Variants in ARHGEF10 observed in about 807,000 individuals in gnomAD.
ARHGEF10 encodes the protein Rho guanine nucleotide exchange factor 10, also known as Rho guanine nucleotide exchange factor (GEF) 10.
ARHGEF10 carries 140 observed loss-of-function variants against 147.4 expected under a neutral mutation model. The ratio of observed to expected loss-of-function variants is 0.95; its 90% CI spans 0.83 to 1.09. ARHGEF10 has a LOEUF of 1.09. Among genes scored for constraint, ARHGEF10 ranks in the 50% least tolerant of loss-of-function variants. The pLI is 0.00. For synonymous variants in ARHGEF10, 902 were observed against 695.8 expected (o/e 1.30, Z -4.67); for missense variants, 2,222 against 1,752.7 (o/e 1.27, Z -4.78).
chr8:1,841,392 G>A (rs1164938946), intron 1 of ARHGEF10, among the ~76,000 whole-genome samples: 1 of 152,210 alleles, frequency 6.6e-6, no homozygotes, highest in Non-Finnish European at 1.5e-5. Flanking sequence ...AGCAGAAAGG[G>A]GGTCAGAGAG....
Position 1,903,330 on chromosome 8 carries a change from A to T in ARHGEF10, c.1700A>T (p.Gln567Leu), listed in dbSNP as rs750816316. 6.2e-7 allele frequency: 1 copy of T among 1,614,198 alleles called. No individual in the cohort carries two copies. Among genetic ancestry groups the T allele is most frequent in the South Asian group, 1.1e-5 (1 of 91,086 alleles). ...SKGHPDRLPL[Q>L]MALTELETLA... The stretch of plus-strand genomic sequence containing the variant: ...GGCCACCCCGACAGGCTGCCTCTTC[A>T]GATGGCCCTGACAGAGCTCGAAACA... The change falls in exon 16 of 29, where the codon CAG becomes CTG. Residue 567 changes from glutamine (Q) to leucine (L), a missense_variant. Transcript: ENST00000349830.
intron 1 of ARHGEF10, among the ~76,000 whole-genome samples, chr8:1,841,263 TA>T (rs201544287): frequency 0.014 from 1,368 of 94,504 alleles, 23 homozygotes; most frequent in African/African-American, 0.045. Context: ...AAAGCTAGGG[TA>T]AAAGTAATCT....
At chr8:1,840,596 T>C (rs998703682) in intron 1 of ARHGEF10, among the ~76,000 whole-genome samples, 1 of 151,114 alleles carries the variant, frequency 6.6e-6, no homozygotes, top group Admixed American at 6.6e-5. Flanking sequence ...CTGTCCGATA[T>C]GGGGACTGTC....
chr8:1,877,508 G>T lies in ARHGEF10; in HGVS notation c.843+774G>T, dbSNP rs557576613. 5.3e-5 allele frequency among the ~76,000 whole-genome samples: 8 copies of T among 152,314 alleles called. 1 individual carries two copies. Among genetic ancestry groups the T allele is most frequent in the Admixed American group, 2.6e-4 (4 of 15,300 alleles). ...CTCCCAAAGTGCTGGGATTGCAGGT[G>T]TGAACCACCACACCCAGCCGGATGA... On this transcript the variant is annotated intron_variant, in intron 8 of 28. Coordinates refer to ENST00000349830, the MANE Select transcript of ARHGEF10 (RefSeq NM_014629.4).
chr8:1,929,752 C>G (rs1812972126), intron 25 of ARHGEF10, among the ~76,000 whole-genome samples: 1 of 152,230 alleles, frequency 6.6e-6, no homozygotes, highest in Non-Finnish European at 1.5e-5. Flanking sequence ...TCAGCATGTC[C>G]TGCGCTGACC....
In ARHGEF10 at chr8:1,958,009, A is replaced by G. The variant is rs1021363117; in HGVS notation, c.*746A>G. 5 of 152,278 alleles carry G rather than the reference A, an allele frequency of 3.3e-5. No homozygotes were observed. Among genetic ancestry groups the G allele is most frequent in the Non-Finnish European group, 7.3e-5 (5 of 68,056 alleles). The allele number at this position is 152,278 out of a possible 1,614,324, so 9.4% of individuals were successfully genotyped here. The stretch of plus-strand genomic sequence containing the variant: ...TGCCTATCAACATTTGGACTCAAGC[A>G]TCAACACCAAATTATTCCTCCCTTC... On this transcript the variant is annotated 3_prime_UTR_variant, in exon 29 of 29. Coordinates refer to ENST00000349830, the MANE Select transcript of ARHGEF10 (RefSeq NM_014629.4).
At chr8:1,871,202 T>A (rs1807093336) in intron 7 of ARHGEF10, 1 of 151,636 alleles carries the variant, frequency 6.6e-6, no homozygotes, top group African/African-American at 2.4e-5. Flanking sequence ...TACAGATCTT[T>A]GAAGCAAGTA....
At chr8:1,908,723 G>A (rs1321835800) in intron 17 of ARHGEF10, among the ~76,000 whole-genome samples, 1 of 151,952 alleles carries the variant, frequency 6.6e-6, no homozygotes, top group Non-Finnish European at 1.5e-5. Flanking sequence ...GTACATATGT[G>A]TTTTGTGTTT....
chr8:1,918,652 T>G (rs551508987), intron 18 of ARHGEF10, among the ~76,000 whole-genome samples: 1 of 152,382 alleles, frequency 6.6e-6, no homozygotes, highest in East Asian at 1.9e-4. Context: ...TACCATTTGT[T>G]CATGGTGAGA....
At position 1,929,421 on chromosome 8, in the gene ARHGEF10, C is replaced by T. The variant is rs756273608; in HGVS notation, c.3057C>T (p.Val1019=). The change falls in exon 25 of 29, where the codon GTC becomes GTT. Residue 1019 remains valine (V), a synonymous_variant. Transcript: ENST00000349830. ...ACGCTGGCCTGGTCAACGGGGCAGT[C>T]GCCAGCTACGCCAGAGCCCCAGGTG... ...SLYAGLVNGA[V]ASYARAPDGS... is the part of the protein sequence containing the mutation. 4.3e-6 allele frequency: 7 copies of T among 1,609,494 alleles called. No homozygotes were observed. Among genetic ancestry groups the T allele is most frequent in the African/African-American group, 1.3e-5 (1 of 74,804 alleles).
intron 11 of ARHGEF10, among the ~76,000 whole-genome samples, chr8:1,887,791 G>A (rs1426284109): frequency 7.0e-6 from 1 of 142,296 alleles, no homozygotes; most frequent in African/African-American, 2.6e-5. Context: ...GACAGTGAGT[G>A]GAGTAAGGGT....
intron 1 of ARHGEF10, among the ~76,000 whole-genome samples, chr8:1,839,868 G>C (rs1209800495): frequency 1.3e-5 from 2 of 149,116 alleles, no homozygotes; most frequent in Non-Finnish European, 3.0e-5. Flanking sequence ...TGTGGGGACT[G>C]TCTGGTGTGG....
chr8:1,873,298 A>T (rs1807290226), intron 7 of ARHGEF10, among the ~76,000 whole-genome samples: 1 of 152,196 alleles, frequency 6.6e-6, no homozygotes. Flanking sequence ...CCAGTAAACC[A>T]CCCACAGCAC....
At chr8:1,829,965 G>A (rs1179455242) in intron 1 of ARHGEF10, among the ~76,000 whole-genome samples, 1 of 152,238 alleles carries the variant, frequency 6.6e-6, no homozygotes, top group Non-Finnish European at 1.5e-5. Flanking sequence ...TGGGGAGCGA[G>A]TCATAGGTAG....
At chr8:1,911,299 T>C (rs1003840317) in intron 18 of ARHGEF10, among the ~76,000 whole-genome samples, 12 of 150,576 alleles carry the variant, frequency 8.0e-5, no homozygotes, top group African/African-American at 1.5e-4. Context: ...ATTTTTTTTT[T>C]ATCACGTCTC....
intron 18 of ARHGEF10, among the ~76,000 whole-genome samples, chr8:1,912,994 A>C (rs1312872368): frequency 1.3e-5 from 2 of 151,988 alleles, no homozygotes; most frequent in African/African-American, 4.8e-5. Context: ...TGGCAGGTGG[A>C]TTTATGAGAA....
intron 25 of ARHGEF10, among the ~76,000 whole-genome samples, chr8:1,933,311 G>A (rs1334345105): frequency 6.6e-6 from 1 of 152,130 alleles, no homozygotes; most frequent in Non-Finnish European, 1.5e-5. Flanking sequence ...CAGTTATTTT[G>A]GATGCAGTTC....
chr8:1,913,849 A>C (rs1222997758), intron 18 of ARHGEF10, among the ~76,000 whole-genome samples: 1 of 152,198 alleles, frequency 6.6e-6, no homozygotes, highest in East Asian at 1.9e-4. Flanking sequence ...AACAAGACAC[A>C]GTCATTATGA....
chr8:1,886,846 C>G (rs1808702946), intron 11 of ARHGEF10, among the ~76,000 whole-genome samples: 1 of 152,182 alleles, frequency 6.6e-6, no homozygotes, highest in Non-Finnish European at 1.5e-5. Flanking sequence ...TGATCTCAGT[C>G]TCTCCCATCG....
Sources: allele counts gnomAD v4.1 joint callset (sites outside exome capture counted in the v4.1 genomes callset), GRCh38; gene constraint gnomAD v4.1.1; transcripts MANE v1.5; gene names NCBI Gene and HGNC (gene_info 2026-07-23, HGNC 2026-07-21).